Variants in WWOX observed in about 807,000 individuals in gnomAD.
WWOX encodes the protein WW domain containing oxidoreductase, also known as WW domain-containing oxidoreductase.
A neutral mutation model predicts 46.2 loss-of-function variants in WWOX; 69 were observed. The ratio of observed to expected loss-of-function variants is 1.49; its 90% confidence interval spans 1.23 to 1.82. The LOEUF (loss-of-function observed/expected upper bound fraction) is 1.82. WWOX is among the 40% of genes most tolerant of loss of function. WWOX has a pLI of 0.00. For missense variants in WWOX, 919 were observed against 542.6 expected (o/e 1.69, Z -6.89); for synonymous variants, 359 against 202.6 (o/e 1.77, Z -6.56).
chr16:78,794,613 C>T (rs1419379260), intron 8 of WWOX, among the ~76,000 whole-genome samples: 1 of 152,232 alleles, frequency 6.6e-6, no homozygotes, highest in Admixed American at 6.5e-5. Flanking sequence ...GTACCATCTT[C>T]ATGTGGTCAG....
chr16:78,600,676 C>G (rs1431658704), intron 8 of WWOX, among the ~76,000 whole-genome samples: 1 of 152,118 alleles, frequency 6.6e-6, no homozygotes, highest in African/African-American at 2.4e-5. Flanking sequence ...ACCCTGGTAG[C>G]TGATGAAACT....
chr16:78,372,294 C>A (rs1354552738), intron 5 of WWOX, among the ~76,000 whole-genome samples: 1 of 152,152 alleles, frequency 6.6e-6, no homozygotes, highest in Non-Finnish European at 1.5e-5. Flanking sequence ...TCTAGGGTGT[C>A]CTTCATGCTT....
chr16:78,794,637 A>G (rs1270723566), intron 8 of WWOX, among the ~76,000 whole-genome samples: 1 of 152,266 alleles, frequency 6.6e-6, no homozygotes, highest in Admixed American at 6.5e-5. Flanking sequence ...AATGGCTGAC[A>G]CATAGCAAGA....
chr16:78,505,601 G>A (rs1402724445), intron 8 of WWOX, among the ~76,000 whole-genome samples: 1 of 152,118 alleles, frequency 6.6e-6, no homozygotes, highest in African/African-American at 2.4e-5. Context: ...GGGCCAGCCA[G>A]CCTCACCAAA....
At chr16:78,499,941 G>C (rs752981989) in intron 8 of WWOX, among the ~76,000 whole-genome samples, 1 of 152,112 alleles carries the variant, frequency 6.6e-6, no homozygotes, top group Non-Finnish European at 1.5e-5. Context: ...GTACCAAATG[G>C]TCCTTACCGT....
At chr16:78,255,279 T>C (rs2038097644) in intron 5 of WWOX, among the ~76,000 whole-genome samples, 1 of 152,192 alleles carries the variant, frequency 6.6e-6, no homozygotes, top group Non-Finnish European at 1.5e-5. Context: ...CTAGGTTTTC[T>C]TACTTCCAAA....
intron 8 of WWOX, among the ~76,000 whole-genome samples, chr16:78,665,355 AT>A (rs1248545613): frequency 1.3e-5 from 2 of 152,174 alleles, no homozygotes; most frequent in African/African-American, 4.8e-5. Context: ...ATAACTGTGA[AT>A]TTGAATATAA....
intron 6 of WWOX, among the ~76,000 whole-genome samples, chr16:78,418,187 C>T (rs142913807): frequency 0.012 from 1,824 of 151,962 alleles, 40 homozygotes; most frequent in African/African-American, 0.042. Flanking sequence ...GGTGAAACCC[C>T]GTCTCTACTA....
At chr16:78,959,730 G>A (rs181527525) in intron 8 of WWOX, among the ~76,000 whole-genome samples, 579 of 152,242 alleles carry the variant, frequency 3.8e-3, no homozygotes, top group Non-Finnish European at 6.5e-3. Flanking sequence ...AAAGGCCTAG[G>A]AGCCTTTCCA....
chr16:78,436,152 TGTC>T (rs2083331013), intron 8 of WWOX, among the ~76,000 whole-genome samples: 1 of 151,964 alleles, frequency 6.6e-6, no homozygotes, highest in Non-Finnish European at 1.5e-5. Flanking sequence ...CTGTTACTCT[TGTC>T]GTTGTGAGCA....
In WWOX at chr16:79,212,146, C is replaced by A. The variant is rs916137558; in HGVS notation, c.*350C>A. The A allele has an allele frequency of 6.6e-6, 10 of 1,516,462 alleles. No homozygotes were observed. Among genetic ancestry groups the A allele is most frequent in the South Asian group, 1.2e-5 (1 of 81,200 alleles). 93.9% of individuals were successfully genotyped at this position (1,516,462 alleles called of 1,614,324 possible). A position where few individuals can be genotyped will look rare whatever the true frequency, so the allele number is the denominator to read the frequency against. On this transcript the variant is annotated 3_prime_UTR_variant, in exon 9 of 9. Coordinates refer to ENST00000566780, the MANE Select transcript of WWOX (RefSeq NM_016373.4). ...ATAGAATAGCCTGAGGTCCCCTCGTCCCATCCAGCTACCACCACGGCCACC... is the reference window on the plus strand; with the variant it reads ...ATAGAATAGCCTGAGGTCCCCTCGTACCATCCAGCTACCACCACGGCCACC...
intron 8 of WWOX, among the ~76,000 whole-genome samples, chr16:78,746,673 A>C (rs978892319): frequency 4.0e-5 from 6 of 150,968 alleles, no homozygotes; most frequent in Non-Finnish European, 8.9e-5. Context: ...TTGGCTTTGT[A>C]CTCCTGCATT....
chr16:79,015,993 C>G (rs1293251717), intron 8 of WWOX: 1 of 152,216 alleles, frequency 6.6e-6, no homozygotes, highest in Admixed American at 6.5e-5. Flanking sequence ...TCGTGATCTG[C>G]CCGCCTCAGC....
At chr16:78,450,992 T>C (rs2083677720) in intron 8 of WWOX, among the ~76,000 whole-genome samples, 1 of 152,232 alleles carries the variant, frequency 6.6e-6, no homozygotes. Context: ...AGTAGAATAA[T>C]ATATTGGATT....
At position 78,989,821 on chromosome 16, in the gene WWOX, C is replaced by CGTGTGTTTGTGTGTGT. The variant is rs34409137; in HGVS notation, c.1057-221781_1057-221780insTTGTGTGTGTGTGTGT. On this transcript the variant is annotated intron_variant, in intron 8 of 8. Transcript: ENST00000566780. The stretch of plus-strand genomic sequence containing the variant: ...AAGTGAGACAGAGGTGGTGTGTGAG[C>CGTGTGTTTGTGTGTGT]GTGTGTGTGTGTGTGTGTGTGTGTG... Among the ~76,000 whole-genome samples the CGTGTGTTTGTGTGTGT allele has an allele frequency of 3.4e-4, 47 of 136,508 alleles. 1 individual carries two copies. In the East Asian group the frequency reaches 4.4e-3, roughly 13 times the overall value. The allele number at this position is 136,508 out of a possible 152,430, so 89.6% of individuals were successfully genotyped here.
At chr16:78,326,667 GTTTAA>G (rs761941515) in intron 5 of WWOX, among the ~76,000 whole-genome samples, 10 of 145,458 alleles carry the variant, frequency 6.9e-5, no homozygotes, top group Non-Finnish European at 1.0e-4. Flanking sequence ...TACAGCATAT[GTTTAA>G]TTTATAATTT....
intron 8 of WWOX, among the ~76,000 whole-genome samples, chr16:78,760,295 C>A (rs143752092): frequency 6.6e-6 from 1 of 152,184 alleles, no homozygotes; most frequent in Non-Finnish European, 1.5e-5. Flanking sequence ...ATTCAATTAT[C>A]TCCCACCAGG....
intron 8 of WWOX, among the ~76,000 whole-genome samples, chr16:78,856,788 T>C (rs1473690966): frequency 9.2e-5 from 14 of 152,222 alleles, no homozygotes. Flanking sequence ...CATACACATT[T>C]ACATATACAG....
chr16:78,439,016 A>T (rs2083391373), intron 8 of WWOX, among the ~76,000 whole-genome samples: 1 of 152,204 alleles, frequency 6.6e-6, no homozygotes, highest in Admixed American at 6.5e-5. Flanking sequence ...TCCTGAAATT[A>T]GTATTTTAGA....
Sources: allele counts gnomAD v4.1 joint callset (sites outside exome capture counted in the v4.1 genomes callset), GRCh38; gene constraint gnomAD v4.1.1; transcripts MANE v1.5; gene names NCBI Gene and HGNC (gene_info 2026-07-23, HGNC 2026-07-21).